TRERF1: variants seen among roughly 807,000 people sequenced by gnomAD.
The protein encoded by TRERF1 is transcriptional-regulating factor 1.
In TRERF1, 27 loss-of-function variants were observed where a neutral mutation model predicts 122.9. The ratio of observed to expected loss-of-function variants is 0.22; its 90% confidence interval spans 0.16 to 0.30. TRERF1 has a LOEUF of 0.30. Ranked by LOEUF, TRERF1 falls within the 10% of genes least tolerant of loss-of-function variation. TRERF1 has a pLI of 1.00. For synonymous variants in TRERF1, 636 were observed against 641.7 expected (o/e 0.99, Z 0.13); for missense variants, 1,248 against 1,560.3 (o/e 0.80, Z 3.37).
intron 3 of TRERF1, among the ~76,000 whole-genome samples, chr6:42,353,531 T>A (rs1428597799): frequency 1.3e-5 from 2 of 151,972 alleles, no homozygotes; most frequent in Non-Finnish European, 2.9e-5. Context: ...GAGGCTGCAG[T>A]GAACCAATAT....
At chr6:42,314,026 C>T (rs918465583) in intron 3 of TRERF1, among the ~76,000 whole-genome samples, 3 of 150,086 alleles carry the variant, frequency 2.0e-5, no homozygotes, top group Non-Finnish European at 4.4e-5. Context: ...CAGGGAACAG[C>T]TGGAGGTGCG....
At chr6:42,294,658 AG>A (rs946653189) in intron 4 of TRERF1, among the ~76,000 whole-genome samples, 3 of 152,154 alleles carry the variant, frequency 2.0e-5, no homozygotes, top group African/African-American at 7.2e-5. Flanking sequence ...CTTTAAGCAC[AG>A]GAGCTCTTGG....
chr6:42,390,932 A>G (rs1777629038), intron 2 of TRERF1, among the ~76,000 whole-genome samples: 1 of 152,060 alleles, frequency 6.6e-6, no homozygotes, highest in Admixed American at 6.6e-5. Flanking sequence ...CAAGCCCTGC[A>G]CTCCAGGGAG....
chr6:42,320,586 ACCT>A (rs144665479), intron 3 of TRERF1, among the ~76,000 whole-genome samples: 29,879 of 141,746 alleles, frequency 0.21, 6,291 homozygotes, highest in African/African-American at 0.56. Context: ...GCTCACTGCT[ACCT>A]CCTCCTCCTC....
intron 15 of TRERF1, among the ~76,000 whole-genome samples, chr6:42,240,798 G>T (rs541172142): frequency 1.2e-4 from 18 of 152,300 alleles, no homozygotes; most frequent in African/African-American, 4.1e-4. Context: ...TAACATCCCG[G>T]GTTACCCACA....
At chr6:42,290,753 T>C (rs1345109497) in intron 4 of TRERF1, among the ~76,000 whole-genome samples, 4 of 145,960 alleles carry the variant, frequency 2.7e-5, no homozygotes, top group East Asian at 2.0e-4. Flanking sequence ...TTTTTTTTTT[T>C]TTTTTTTTTT....
At chr6:42,339,858 T>C (rs1347496520) in intron 3 of TRERF1, among the ~76,000 whole-genome samples, 1 of 152,250 alleles carries the variant, frequency 6.6e-6, no homozygotes, top group African/African-American at 2.4e-5. Flanking sequence ...CACCAGAATT[T>C]AATCAGATAC....
intron 2 of TRERF1, among the ~76,000 whole-genome samples, chr6:42,418,949 T>C (rs1341968203): frequency 6.6e-6 from 1 of 152,188 alleles, no homozygotes; most frequent in Non-Finnish European, 1.5e-5. Context: ...AAGCATCATA[T>C]TATTAGCCTT....
chr6:42,375,967 C>T lies in TRERF1; in HGVS notation c.-453-12888G>A, dbSNP rs552200082. Among the ~76,000 whole-genome samples, 3 of 151,568 alleles carry T rather than the reference C, an allele frequency of 2.0e-5. No homozygotes were observed. In the South Asian group the frequency reaches 6.2e-4, roughly 31 times the overall value. ...GAAATGAAACCCGATTAGAAGCTGT[C>T]TCCTCCTGGCAGCCTCACAAGTCAC... On this transcript the variant is annotated intron_variant, in intron 2 of 17. Transcript: ENST00000372922.
intron 8 of TRERF1, among the ~76,000 whole-genome samples, chr6:42,260,599 G>A (rs1777655629): frequency 6.6e-6 from 1 of 152,182 alleles, no homozygotes; most frequent in African/African-American, 2.4e-5. Flanking sequence ...GGGTGTGGCT[G>A]CAGAGGCAGT....
chr6:42,304,919 C>G (rs1156528499), intron 3 of TRERF1, among the ~76,000 whole-genome samples: 1 of 152,194 alleles, frequency 6.6e-6, no homozygotes, highest in East Asian at 1.9e-4. Context: ...AGTTCTAATT[C>G]CAGCTCCACC....
At chr6:42,443,538 G>A (rs1049374879) in intron 2 of TRERF1, among the ~76,000 whole-genome samples, 18 of 152,054 alleles carry the variant, frequency 1.2e-4, no homozygotes, top group African/African-American at 1.2e-4. Flanking sequence ...AACCTCAGTC[G>A]GGTTTCTTGG....
intron 2 of TRERF1, among the ~76,000 whole-genome samples, chr6:42,394,877 C>T (rs1778316956): frequency 6.6e-6 from 1 of 152,160 alleles, no homozygotes; most frequent in Admixed American, 6.5e-5. Flanking sequence ...CCCAACCTCC[C>T]CCCAACACAT....
chr6:42,418,748 A>G (rs1782299415), intron 2 of TRERF1, among the ~76,000 whole-genome samples: 1 of 152,036 alleles, frequency 6.6e-6, no homozygotes, highest in South Asian at 2.1e-4. Context: ...CAAACTAATC[A>G]ACTCATTTTC....
chr6:42,440,819 G>A (rs1334475988), intron 2 of TRERF1, among the ~76,000 whole-genome samples: 1 of 152,122 alleles, frequency 6.6e-6, no homozygotes, highest in African/African-American at 2.4e-5. Flanking sequence ...ACTGATTGGA[G>A]AAAGAAAGAA....
intron 15 of TRERF1, among the ~76,000 whole-genome samples, chr6:42,241,393 T>C (rs140307889): frequency 6.3e-4 from 96 of 152,300 alleles, no homozygotes; most frequent in African/African-American, 2.3e-3. Flanking sequence ...TATAAATGTA[T>C]TTATGTATGT....
chr6:42,229,732 A>G (rs1562096548), intron 17 of TRERF1, among the ~76,000 whole-genome samples: 1 of 152,198 alleles, frequency 6.6e-6, no homozygotes, highest in Non-Finnish European at 1.5e-5. Context: ...CCAAGCAAGG[A>G]ATTGGCAGAC....
chr6:42,362,603 G>T (rs1253116505), intron 3 of TRERF1, among the ~76,000 whole-genome samples: 6 of 152,220 alleles, frequency 3.9e-5, no homozygotes, highest in Admixed American at 1.3e-4. Context: ...GCCAGCTAAG[G>T]CTCCTGAGTC....
At chr6:42,424,766 G>T (rs1405906505) in intron 2 of TRERF1, among the ~76,000 whole-genome samples, 1 of 152,158 alleles carries the variant, frequency 6.6e-6, no homozygotes, top group Non-Finnish European at 1.5e-5. Flanking sequence ...GGTTACTAAT[G>T]AAATTAAGTG....
Sources: gnomAD v4.1 joint callset for allele counts (sites outside exome capture counted in the v4.1 genomes callset) on GRCh38, gnomAD v4.1.1 for gene constraint, MANE v1.5 for transcripts, NCBI Gene and HGNC (gene_info 2026-07-23, HGNC 2026-07-21) for gene names.